SH3GL2: variants seen among roughly 807,000 people sequenced by gnomAD.
The protein encoded by SH3GL2 is SH3 domain containing GRB2 like 2, endophilin A1.
In SH3GL2, 24 loss-of-function variants were observed where a neutral mutation model predicts 46.0. The observed-to-expected ratio is 0.52, with a 90% CI of 0.38 to 0.73. The LOEUF is 0.73. SH3GL2 is among the 30% of genes least tolerant of loss of function. The probability of loss-of-function intolerance (pLI) is 0.00; values close to 1 mark genes in which losing one functional copy is unlikely to be tolerated. For missense variants in SH3GL2, 413 were observed against 424.2 expected (o/e 0.97, Z 0.23); for synonymous variants, 196 against 147.1 (o/e 1.33, Z -2.40).
intron 1 of SH3GL2, among the ~76,000 whole-genome samples, chr9:17,726,974 C>G (rs181458196): frequency 1.5e-4 from 23 of 152,236 alleles, no homozygotes; most frequent in Non-Finnish European, 2.9e-4. Context: ...CCAGGGAAAA[C>G]TGTCACTCAT....
intron 3 of SH3GL2, among the ~76,000 whole-genome samples, chr9:17,768,843 G>A (rs1439878238): frequency 6.6e-6 from 1 of 152,118 alleles, no homozygotes; most frequent in Non-Finnish European, 1.5e-5. Flanking sequence ...TATATCACAT[G>A]AGTTCCCCTC....
chr9:17,790,648 A>G (rs1027562324), intron 6 of SH3GL2, among the ~76,000 whole-genome samples: 1 of 152,210 alleles, frequency 6.6e-6, no homozygotes, highest in Non-Finnish European at 1.5e-5. Flanking sequence ...CAGCTGGATC[A>G]TAATGTGAAA....
intron 1 of SH3GL2, among the ~76,000 whole-genome samples, chr9:17,646,190 A>G (rs1282158812): frequency 6.6e-6 from 1 of 151,668 alleles, no homozygotes; most frequent in Non-Finnish European, 1.5e-5. Flanking sequence ...TGTATGCTTC[A>G]CCAAGTTCTC....
chr9:17,683,334 C>G (rs751072668), intron 1 of SH3GL2, among the ~76,000 whole-genome samples: 17 of 152,038 alleles, frequency 1.1e-4, no homozygotes, highest in Non-Finnish European at 2.4e-4. Flanking sequence ...CAAGCAGCAA[C>G]CACTGCAAGA....
intron 2 of SH3GL2, among the ~76,000 whole-genome samples, chr9:17,758,261 T>C (rs1261995766): frequency 6.6e-6 from 1 of 152,022 alleles, no homozygotes; most frequent in Non-Finnish European, 1.5e-5. Context: ...CAAGTAATTA[T>C]CTGTAAGAAT....
At chr9:17,674,667 A>T (rs531234830) in intron 1 of SH3GL2, among the ~76,000 whole-genome samples, 1 of 152,068 alleles carries the variant, frequency 6.6e-6, no homozygotes, top group Admixed American at 6.5e-5. Context: ...GGGGTCACTC[A>T]TGGGTCCTCA....
intron 6 of SH3GL2, among the ~76,000 whole-genome samples, chr9:17,790,787 G>A (rs372170396): frequency 2.0e-5 from 3 of 152,098 alleles, no homozygotes; most frequent in African/African-American, 7.2e-5. Context: ...ATACCATGTC[G>A]CCTCTCCGGG....
chr9:17,656,304 ATAT>A (rs1200946060), intron 1 of SH3GL2, among the ~76,000 whole-genome samples: 1 of 152,148 alleles, frequency 6.6e-6, no homozygotes, highest in African/African-American at 2.4e-5. Flanking sequence ...TTAATATATA[ATAT>A]TCTTCAGAAG....
chr9:17,753,177 A>G (rs1822897023), intron 2 of SH3GL2, among the ~76,000 whole-genome samples: 1 of 152,200 alleles, frequency 6.6e-6, no homozygotes, highest in South Asian at 2.1e-4. Context: ...ACATGTGTGC[A>G]TGTGTCTTTA....
chr9:17,697,015 C>T (rs1821220218), intron 1 of SH3GL2, among the ~76,000 whole-genome samples: 1 of 150,960 alleles, frequency 6.6e-6, no homozygotes, highest in Non-Finnish European at 1.5e-5. Flanking sequence ...GTACTAAGTC[C>T]AGTGTTGGAA....
At chr9:17,791,015 TA>T (rs1824110847) in intron 6 of SH3GL2, among the ~76,000 whole-genome samples, 1 of 152,196 alleles carries the variant, frequency 6.6e-6, no homozygotes, top group African/African-American at 2.4e-5. Flanking sequence ...ATGGTACTGA[TA>T]CGCATGATTC....
chr9:17,705,318 G>T (rs1821443763), intron 1 of SH3GL2, among the ~76,000 whole-genome samples: 1 of 152,072 alleles, frequency 6.6e-6, no homozygotes, highest in African/African-American at 2.4e-5. Context: ...TTTAGCCATT[G>T]TGGAAAGCAG....
chr9:17,733,268 T>A (rs548835263), intron 1 of SH3GL2, among the ~76,000 whole-genome samples: 3 of 152,218 alleles, frequency 2.0e-5, no homozygotes, highest in Non-Finnish European at 2.9e-5. Context: ...AAATTTTTTT[T>A]ATTTTTTTCA....
chr9:17,749,380 C>T (rs748182111), intron 2 of SH3GL2, among the ~76,000 whole-genome samples: 1 of 152,144 alleles, frequency 6.6e-6, no homozygotes, highest in Non-Finnish European at 1.5e-5. Context: ...TTGAACAGCC[C>T]ATGGGTTAAT....
chr9:17,707,816 A>T (rs1050275882), intron 1 of SH3GL2, among the ~76,000 whole-genome samples: 12 of 152,028 alleles, frequency 7.9e-5, no homozygotes, highest in African/African-American at 2.7e-4. Flanking sequence ...TTTGCTACCG[A>T]TAATAAAAAT....
intron 1 of SH3GL2, among the ~76,000 whole-genome samples, chr9:17,585,277 A>C (rs139717115): frequency 5.9e-5 from 9 of 152,328 alleles, no homozygotes; most frequent in African/African-American, 1.7e-4. Flanking sequence ...AACTGCTTCA[A>C]ACTTTAAGGT....
chr9:17,648,024 GATTT>G lies in SH3GL2; in HGVS notation c.45+68741_45+68744del, dbSNP rs200707270. On this transcript the variant is annotated intron_variant, in intron 1 of 8. Coordinates refer to ENST00000380607, the MANE Select transcript of SH3GL2 (RefSeq NM_003026.5). ...AGTAAATATATATTCTCTTCCTTGTGATTTATTAATATTTTCTTTCTGTAGCTTA... is the reference window on the plus strand; with the variant it reads ...AGTAAATATATATTCTCTTCCTTGTGATTAATATTTTCTTTCTGTAGCTTA... 6.4e-3 allele frequency among the ~76,000 whole-genome samples: 975 copies of G among 152,144 alleles called. 7 individuals are homozygous for G. Among genetic ancestry groups the G allele is most frequent in the African/African-American group, 0.022 (930 of 41,464 alleles).
intron 1 of SH3GL2, among the ~76,000 whole-genome samples, chr9:17,729,818 T>C (rs1043752711): frequency 6.6e-6 from 1 of 152,188 alleles, no homozygotes; most frequent in Non-Finnish European, 1.5e-5. Context: ...CATTGGTCTA[T>C]ATATCTGTTT....
At position 17,795,424 on chromosome 9, in the gene SH3GL2, G is replaced by A. The variant is rs372938826; in HGVS notation, c.860-120G>A. 2.3e-5 allele frequency: 16 copies of A among 704,536 alleles called. No homozygotes were observed. In the African/African-American group the frequency reaches 2.5e-4, roughly 11 times the overall value. 43.6% of individuals were successfully genotyped at this position (704,536 alleles called of 1,614,324 possible). On this transcript the variant is annotated intron_variant, in intron 8 of 8. Coordinates refer to ENST00000380607, the MANE Select transcript of SH3GL2 (RefSeq NM_003026.5). ...CAAGAAGAAGCTTCAACAGGAAGAG[G>A]AATGAGGGAGGAAAGACGGGGAGCA...
Sources: gnomAD v4.1 joint callset for allele counts (sites outside exome capture counted in the v4.1 genomes callset) on GRCh38, gnomAD v4.1.1 for gene constraint, MANE v1.5 for transcripts, NCBI Gene and HGNC (gene_info 2026-07-23, HGNC 2026-07-21) for gene names.